Variants in PWWP2A observed in about 807,000 individuals in gnomAD.
The protein encoded by PWWP2A is PWWP domain containing 2A.
In PWWP2A, 18 loss-of-function variants were observed where a neutral mutation model predicts 48.5. That is an observed-to-expected ratio of 0.37 (90% CI 0.26 to 0.55). PWWP2A has a LOEUF of 0.55. Ranked by LOEUF, PWWP2A falls within the 20% of genes least tolerant of loss-of-function variation. The pLI, the probability that PWWP2A is intolerant of heterozygous loss-of-function variation, is 0.81. For synonymous variants in PWWP2A, 396 were observed against 387.7 expected, an observed-to-expected ratio of 1.02 and a Z score of -0.25; for missense variants, 867 against 976.4, an observed-to-expected ratio of 0.89 and a Z score of 1.49.
At chr5:160,105,048 G>C (rs1418207196) in intron 1 of PWWP2A, among the ~76,000 whole-genome samples, 1 of 152,028 alleles carries the variant, frequency 6.6e-6, no homozygotes, top group Non-Finnish European at 1.5e-5. Context: ...TCAAGACATT[G>C]TTGTTACTAA....
chr5:160,062,407 T>C (rs932005702), intron 5 of PWWP2A, among the ~76,000 whole-genome samples: 1 of 152,182 alleles, frequency 6.6e-6, no homozygotes, highest in Non-Finnish European at 1.5e-5. Context: ...CCCGGAGCAC[T>C]GTGGCATGTA....
At position 160,082,793 on chromosome 5, in the gene PWWP2A, T is replaced by C. The variant is rs1754338133; in HGVS notation, c.1550-2023A>G. Among the ~76,000 whole-genome samples the C allele has an allele frequency of 2.0e-5, 3 of 152,268 alleles. 1 individual carries two copies. The South Asian group carries it at 6.2e-4, about 32-fold the overall frequency. On this transcript the variant is annotated intron_variant, in intron 2 of 3. Coordinates refer to the PWWP2A transcript ENST00000456329. ...GAAGAGCCAGGAGACCCAGCTGTGA[T>C]GCAGTAAGTGGAGGGAGAGACCCAT...
chr5:160,085,505 C>CTTTTTT (rs5872628), intron 2 of PWWP2A, among the ~76,000 whole-genome samples: 3 of 109,826 alleles, frequency 2.7e-5, no homozygotes, highest in East Asian at 2.8e-4. Flanking sequence ...CTGTCACATT[C>CTTTTTT]TTTTTTTTTT....
intron 2 of PWWP2A, among the ~76,000 whole-genome samples, chr5:160,084,560 C>T (rs2113486250): frequency 6.6e-6 from 1 of 151,774 alleles, no homozygotes; most frequent in South Asian, 2.1e-4. Flanking sequence ...TCCCAAGTAG[C>T]TGGGACTACA....
intron 1 of PWWP2A, among the ~76,000 whole-genome samples, chr5:160,101,119 A>G (rs1230298506): frequency 1.3e-5 from 2 of 152,088 alleles, no homozygotes; most frequent in Non-Finnish European, 2.9e-5. Flanking sequence ...GGGAGCCTGA[A>G]GCAGGCAGAC....
Position 160,107,191 on chromosome 5 carries a change from AC to A in PWWP2A, c.584+11613del, listed in dbSNP as rs1561694064. ...GTTCTATTAAATACTTTGGCAAACT[AC>A]CCCCTAAAAATCAGTTATCTCCAAA... On this transcript the variant is annotated intron_variant, in intron 1 of 1. Transcript: ENST00000307063. 2.6e-5 allele frequency among the ~76,000 whole-genome samples: 4 copies of A among 152,174 alleles called. No homozygotes were observed. In the South Asian group the frequency reaches 8.3e-4, roughly 32 times the overall value.
chr5:160,095,519 T>C (rs2113549983), intron 1 of PWWP2A, among the ~76,000 whole-genome samples: 1 of 152,162 alleles, frequency 6.6e-6, no homozygotes, highest in African/African-American at 2.4e-5. Context: ...TCTAACACAA[T>C]ACAACTGTAA....
rs1754035881 is a variant in PWWP2A at position 160,078,894 on chromosome 5, T to A, written c.1670-726A>T. Among the ~76,000 whole-genome samples, 1 of 152,168 alleles carries A rather than the reference T, an allele frequency of 6.6e-6. No homozygotes were observed. The highest frequency in any genetic ancestry group is 1.5e-5 in the Non-Finnish European group (1 of 68,028). On this transcript the variant is annotated intron_variant, in intron 3 of 3. Coordinates refer to the PWWP2A transcript ENST00000456329. This position sits in a 1 kb window ranked among gnomAD's most constrained non-coding sequence, Gnocchi z 4.2. ...AGAAGCAGGACTCCAAGCGCACTGT[T>A]TATAAAGGGCAAGGCTTATACAAAT...
chr5:160,112,891 C>G (rs1190306636), intron 1 of PWWP2A, among the ~76,000 whole-genome samples: 2 of 152,188 alleles, frequency 1.3e-5, no homozygotes, highest in Non-Finnish European at 2.9e-5. Context: ...GGAGTGGTGG[C>G]TCACACCTGT....
chr5:160,085,179 C>T (rs1010923982), intron 2 of PWWP2A, among the ~76,000 whole-genome samples: 2 of 151,910 alleles, frequency 1.3e-5, no homozygotes, highest in African/African-American at 2.4e-5. Context: ...CAGGCACCCA[C>T]CACCATGCCC....
At chr5:160,045,503 CACACACACACAT>C in the PWWP2A span, among the ~76,000 whole-genome samples, 154 of 103,238 alleles carry the variant, frequency 1.5e-3, 2 homozygotes, top group Middle Eastern at 5.2e-3. Flanking sequence ...CACACACACA[CACACACACACAT>C]ACACACTCTC....
the PWWP2A span, among the ~76,000 whole-genome samples, chr5:160,045,559 C>CT: frequency 5.7e-5 from 8 of 141,318 alleles, no homozygotes; most frequent in African/African-American, 1.6e-4. Context: ...CTCTCCCCCT[C>CT]CCCTCTCTCA....
intron 1 of PWWP2A, among the ~76,000 whole-genome samples, chr5:160,112,158 AAAAGAAAAAAAAAG>A (rs1260991308): frequency 6.6e-6 from 1 of 150,940 alleles, no homozygotes; most frequent in Admixed American, 6.6e-5. Context: ...AAAAAAAGAA[AAAAGAAAAAAAAAG>A]AAAGAAAAAA....
intron 1 of PWWP2A, among the ~76,000 whole-genome samples, chr5:160,107,986 A>AGC (rs1757070812): frequency 6.6e-6 from 1 of 151,986 alleles, no homozygotes; most frequent in Admixed American, 6.6e-5. Flanking sequence ...GGGCGACAAA[A>AGC]GCGAGACCCA....
rs1755045339 is a variant in PWWP2A at position 160,091,375 on chromosome 5, GGTT to G, written c.*1004_*1006del. The G allele has an allele frequency of 1.1e-6, 1 of 872,460 alleles. No homozygotes were observed. The highest frequency in any genetic ancestry group is 1.4e-6 in the Non-Finnish European group (1 of 735,488). The allele number at this position is 872,460 out of a possible 1,614,324, so 54.0% of individuals were successfully genotyped here. ...TTGATTTTATTTACAGCTTTTTTTT[GGTT>G]TTTTTTTTTTTTTTTACATTTCAGA... On this transcript the variant is annotated 3_prime_UTR_variant, in exon 2 of 2. Transcript: ENST00000307063.
intron 4 of PWWP2A, among the ~76,000 whole-genome samples, chr5:160,065,720 C>A (rs1753586809): frequency 6.6e-6 from 1 of 152,204 alleles, no homozygotes; most frequent in African/African-American, 2.4e-5. Flanking sequence ...CTACCATGTA[C>A]TAGAATTCAG....
the PWWP2A span, among the ~76,000 whole-genome samples, chr5:160,053,075 C>T: frequency 6.6e-6 from 1 of 152,136 alleles, no homozygotes; most frequent in South Asian, 2.1e-4. Flanking sequence ...CATGGAATTT[C>T]AGCCCCCACA....
downstream of PWWP2A, among the ~76,000 whole-genome samples, chr5:160,074,276 T>C (rs1753813927): frequency 2.0e-5 from 3 of 150,778 alleles, no homozygotes; most frequent in Admixed American, 2.0e-4. Context: ...CTGTCTCTAC[T>C]AAAAATACAA....
intron 2 of PWWP2A, among the ~76,000 whole-genome samples, chr5:160,084,700 G>A (rs1490989480): frequency 2.0e-5 from 3 of 152,086 alleles, no homozygotes; most frequent in African/African-American, 7.2e-5. Context: ...CAAAGTACTA[G>A]GATTATAGGC....
Sources: allele counts gnomAD v4.1 joint callset (sites outside exome capture counted in the v4.1 genomes callset), GRCh38; gene constraint gnomAD v4.1.1; non-coding constraint Gnocchi (gnomAD v3.1); transcripts MANE v1.5; gene names NCBI Gene and HGNC (gene_info 2026-07-23, HGNC 2026-07-21).